TNKS: variants seen among roughly 807,000 people sequenced by gnomAD.
The protein encoded by TNKS is tankyrase, also known as poly [ADP-ribose] polymerase tankyrase-1.
TNKS carries 72 observed loss-of-function variants against 135.8 expected under a neutral mutation model. The observed-to-expected ratio is 0.53, with a 90% CI of 0.44 to 0.64. The LOEUF is 0.64. Ranked by LOEUF, TNKS falls within the 30% of genes least tolerant of loss-of-function variation. The pLI, the probability that TNKS is intolerant of heterozygous loss-of-function variation, is 0.00. For synonymous variants in TNKS, 849 were observed against 649.3 expected, an observed-to-expected ratio of 1.31 and a Z score of -4.68; for missense variants, 1,769 against 1,674.0, an observed-to-expected ratio of 1.06 and a Z score of -0.99.
At chr8:9,691,982 A>G (rs1044579865) in intron 5 of TNKS, among the ~76,000 whole-genome samples, 6 of 152,184 alleles carry the variant, frequency 3.9e-5, no homozygotes, top group Admixed American at 2.0e-4. Context: ...CAGATATAAA[A>G]AATTTGGTTG....
chr8:9,660,695 C>G (rs1256009561), intron 3 of TNKS, among the ~76,000 whole-genome samples: 1 of 152,172 alleles, frequency 6.6e-6, no homozygotes, highest in East Asian at 1.9e-4. Context: ...GTTGCCCTCT[C>G]TCACCAGTCC....
chr8:9,615,536 C>G (rs936073351), intron 2 of TNKS, 46 bp from the exon 3 acceptor site: 2 of 1,500,570 alleles, frequency 1.3e-6, no homozygotes, highest in Non-Finnish European at 1.8e-6. Context: ...AGTAAATAAT[C>G]TCTGTATCCC....
intron 5 of TNKS, among the ~76,000 whole-genome samples, chr8:9,684,744 C>G (rs749829475): frequency 6.6e-6 from 1 of 152,092 alleles, no homozygotes; most frequent in African/African-American, 2.4e-5. Context: ...ATTCATTCCA[C>G]CAACACTTAA....
At chr8:9,556,755 C>G in intron 1 of TNKS, 143 bp downstream of exon 1, 1 of 853,078 alleles carries the variant, frequency 1.2e-6, no homozygotes, top group Admixed American at 3.1e-5. Context: ...CTGGAGGTTC[C>G]TTTCTTTTGG....
At chr8:9,672,009 T>G (rs1342060325) in intron 3 of TNKS, among the ~76,000 whole-genome samples, 1 of 152,252 alleles carries the variant, frequency 6.6e-6, no homozygotes, top group African/African-American at 2.4e-5. Context: ...GTCTACACTC[T>G]CTGCCCGTTA....
intron 1 of TNKS, chr8:9,566,329 A>C (rs529807087): frequency 2.8e-4 from 42 of 152,310 alleles, no homozygotes; most frequent in African/African-American, 8.9e-4. Flanking sequence ...AGCTATCAAA[A>C]GTTGTCTGCC....
At chr8:9,662,557 G>C (rs543427980) in intron 3 of TNKS, among the ~76,000 whole-genome samples, 37 of 152,226 alleles carry the variant, frequency 2.4e-4, no homozygotes, top group African/African-American at 7.7e-4. Flanking sequence ...AGAACACATG[G>C]ACACAGGAAG....
chr8:9,583,330 G>A (rs1270767061), intron 2 of TNKS, among the ~76,000 whole-genome samples: 3 of 152,028 alleles, frequency 2.0e-5, no homozygotes, highest in Non-Finnish European at 4.4e-5. Context: ...GTGGTCTTGG[G>A]AATGTTGATG....
chr8:9,616,098 A>T (rs1320312202), intron 3 of TNKS, among the ~76,000 whole-genome samples: 1 of 152,194 alleles, frequency 6.6e-6, no homozygotes, highest in Non-Finnish European at 1.5e-5. Flanking sequence ...CAAATAAAAT[A>T]TGCCGCTGCC....
intron 17 of TNKS, chr8:9,741,916 A>G (rs62489364): frequency 0.13 from 28,842 of 224,254 alleles, 2,537 homozygotes; most frequent in East Asian, 0.18. Context: ...CTCCTTTTCT[A>G]ACTCCAAGTA....
intron 1 of TNKS, among the ~76,000 whole-genome samples, chr8:9,578,383 T>C (rs549644017): frequency 9.6e-4 from 146 of 152,352 alleles, no homozygotes; most frequent in Non-Finnish European, 1.8e-3. Context: ...CCAGGAACCC[T>C]GGTAAGATGC....
intron 6 of TNKS, 142 bp downstream of exon 6, chr8:9,704,899 C>A: frequency 2.1e-6 from 1 of 484,084 alleles, no homozygotes; most frequent in Non-Finnish European, 3.5e-6. Context: ...TGGTTTGAGG[C>A]TTTATTTTCA....
At chr8:9,634,076 A>G (rs1037777166) in intron 3 of TNKS, among the ~76,000 whole-genome samples, 2 of 103,266 alleles carry the variant, frequency 1.9e-5, no homozygotes, top group Non-Finnish European at 3.8e-5. Flanking sequence ...AACTCATTTA[A>G]CTGCATATAT....
intron 3 of TNKS, among the ~76,000 whole-genome samples, chr8:9,664,100 C>G (rs988410619): frequency 6.6e-6 from 1 of 152,162 alleles, no homozygotes; most frequent in African/African-American, 2.4e-5. Flanking sequence ...TAATGTGTTG[C>G]TGTAAGGAAT....
intron 2 of TNKS, among the ~76,000 whole-genome samples, chr8:9,603,851 T>A (rs574337074): frequency 2.0e-5 from 3 of 151,974 alleles, no homozygotes; most frequent in Non-Finnish European, 4.4e-5. Flanking sequence ...ATCACTCTTT[T>A]TGTGTCTCAA....
intron 1 of TNKS, among the ~76,000 whole-genome samples, chr8:9,561,091 T>C (rs1043628803): frequency 1.4e-4 from 21 of 152,240 alleles, no homozygotes; most frequent in African/African-American, 5.1e-4. Flanking sequence ...ATTACATGTG[T>C]ATTCCTACAT....
chr8:9,609,356 C>T (rs960206258), intron 2 of TNKS, among the ~76,000 whole-genome samples: 1 of 152,174 alleles, frequency 6.6e-6, no homozygotes, highest in Non-Finnish European at 1.5e-5. Flanking sequence ...CTTTAGATAT[C>T]GTAGACACCC....
chr8:9,718,754 T>C (rs1804729107), intron 11 of TNKS, among the ~76,000 whole-genome samples: 1 of 152,228 alleles, frequency 6.6e-6, no homozygotes, highest in Non-Finnish European at 1.5e-5. Flanking sequence ...CAAGCCAGTC[T>C]TAAGCATTTA....
At chr8:9,767,901 G>A (rs1807561251) in intron 25 of TNKS, among the ~76,000 whole-genome samples, 1 of 150,118 alleles carries the variant, frequency 6.7e-6, no homozygotes, top group African/African-American at 2.5e-5. Context: ...GGAGGTTGCA[G>A]TGAGCCGAGA....
Sources: allele counts gnomAD v4.1 joint callset (sites outside exome capture counted in the v4.1 genomes callset), GRCh38; gene constraint gnomAD v4.1.1; transcripts MANE v1.5; gene names NCBI Gene and HGNC (gene_info 2026-07-23, HGNC 2026-07-21).